The following CFAP58 variants were observed in gnomAD, a reference collection of about 807,000 sequenced individuals.
CFAP58 encodes cilia and flagella associated protein 58, also known as cilia- and flagella-associated protein 58.
Under a neutral mutation model 119.5 loss-of-function variants are expected in CFAP58, and 88 were observed. That is an observed-to-expected ratio of 0.74 (90% CI 0.62 to 0.88). The LOEUF is 0.88. Among genes scored for constraint, CFAP58 ranks in the 40% least tolerant of loss-of-function variants. The pLI, the probability that CFAP58 is intolerant of heterozygous loss-of-function variation, is 0.00. For synonymous variants in CFAP58, 365 were observed against 366.3 expected, an observed-to-expected ratio of 1.00 and a Z score of 0.04; for missense variants, 990 against 1,021.2, an observed-to-expected ratio of 0.97 and a Z score of 0.42.
At chr10:104,427,852 A>C (rs1294014919) in intron 15 of CFAP58, among the ~76,000 whole-genome samples, 8 of 152,244 alleles carry the variant, frequency 5.3e-5, no homozygotes, top group African/African-American at 1.9e-4. Context: ...TGGGGTGTGA[A>C]GAAGCTCCCT....
chr10:104,421,031 G>T (rs116432026), intron 15 of CFAP58, among the ~76,000 whole-genome samples: 1 of 152,132 alleles, frequency 6.6e-6, no homozygotes, highest in African/African-American at 2.4e-5. Flanking sequence ...GGAATTACAC[G>T]CATGAGCCAC....
At chr10:104,405,720 G>C (rs1003814301) in intron 14 of CFAP58, among the ~76,000 whole-genome samples, 1 of 152,302 alleles carries the variant, frequency 6.6e-6, no homozygotes, top group African/African-American at 2.4e-5. Flanking sequence ...TCCTGGAAGC[G>C]GTCCCCATCA....
chr10:104,368,273 C>T lies in CFAP58; in HGVS notation c.793-150C>T, dbSNP rs907842793. 31 of 648,702 alleles carry T rather than the reference C, an allele frequency of 4.8e-5. No individual in the cohort carries two copies. In the African/African-American group the frequency reaches 5.3e-4, roughly 11 times the overall value. 40.2% of individuals were successfully genotyped at this position (648,702 alleles called of 1,614,324 possible). On this transcript the variant is annotated intron_variant, in intron 5 of 17. Coordinates refer to ENST00000369704, the MANE Select transcript of CFAP58 (RefSeq NM_001008723.2). ...TTCATCATATTTGAGTGCGTTAGTG[C>T]TTTCATCGGGAATAAAGAACAATTT...
intron 9 of CFAP58, among the ~76,000 whole-genome samples, chr10:104,387,666 G>A (rs1444909781): frequency 6.6e-6 from 1 of 152,066 alleles, no homozygotes; most frequent in African/African-American, 2.4e-5. Context: ...GGTAAGTTGT[G>A]ATCTACCATA....
intron 15 of CFAP58, among the ~76,000 whole-genome samples, chr10:104,429,548 G>A (rs540052267): frequency 9.2e-5 from 14 of 152,282 alleles, no homozygotes; most frequent in African/African-American, 3.1e-4. Context: ...TTAAGGATCC[G>A]TTAGTAAGCG....
At chr10:104,409,898 G>C (rs2012434003) in intron 15 of CFAP58, among the ~76,000 whole-genome samples, 1 of 151,488 alleles carries the variant, frequency 6.6e-6, no homozygotes, top group Non-Finnish European at 1.5e-5. Context: ...GATAATTTTA[G>C]GTTTATTTCT....
intron 9 of CFAP58, among the ~76,000 whole-genome samples, chr10:104,384,982 G>C (rs2011892355): frequency 6.6e-6 from 1 of 152,158 alleles, no homozygotes; most frequent in Non-Finnish European, 1.5e-5. Context: ...AGGAATGATG[G>C]AGGAATTGCA....
intron 9 of CFAP58, among the ~76,000 whole-genome samples, chr10:104,388,976 A>G (rs1356792758): frequency 1.3e-5 from 2 of 152,118 alleles, no homozygotes; most frequent in African/African-American, 4.8e-5. Flanking sequence ...TTATCTCATG[A>G]GTTGGTTTGA....
intron 15 of CFAP58, among the ~76,000 whole-genome samples, chr10:104,419,639 G>C (rs772351040): frequency 6.6e-6 from 1 of 150,942 alleles, no homozygotes; most frequent in Non-Finnish European, 1.5e-5. Context: ...TCTCCTTTAT[G>C]AGATGATGGT....
intron 17 of CFAP58, among the ~76,000 whole-genome samples, chr10:104,451,429 T>C (rs1393261886): frequency 1.3e-5 from 2 of 152,226 alleles, no homozygotes; most frequent in African/African-American, 4.8e-5. Context: ...CAGCTATCTG[T>C]CTGGTTCGGA....
chr10:104,369,502 G>A (rs906314183), intron 6 of CFAP58, among the ~76,000 whole-genome samples: 1 of 152,144 alleles, frequency 6.6e-6, no homozygotes, highest in Non-Finnish European at 1.5e-5. Flanking sequence ...AGGGTCTGAC[G>A]CTGAAAAACT....
chr10:104,343,484 G>A, the CFAP58 span, among the ~76,000 whole-genome samples: 3 of 152,142 alleles, frequency 2.0e-5, no homozygotes, highest in Non-Finnish European at 2.9e-5. Flanking sequence ...ATCAACTCAC[G>A]TGGTAGGAAT....
Position 104,364,409 on chromosome 10 carries a change from CTG to C in CFAP58, c.441-322_441-321del, listed in dbSNP as rs147404884. On this transcript the variant is annotated intron_variant, in intron 3 of 17. Coordinates refer to ENST00000369704, the MANE Select transcript of CFAP58 (RefSeq NM_001008723.2). ...AATCAGTGATATGTTTTTCTGGGCTCTGTAAAAATGTCTGTAAAACACACACA... is the reference window on the plus strand; with the variant it reads ...AATCAGTGATATGTTTTTCTGGGCTCTAAAAATGTCTGTAAAACACACACA... Among the ~76,000 whole-genome samples, 738 of 147,284 alleles carry C rather than the reference CTG, an allele frequency of 5.0e-3. 5 individuals are homozygous for C. Among genetic ancestry groups the C allele is most frequent in the African/African-American group, 0.017 (676 of 39,416 alleles).
chr10:104,376,704 A>G (rs1330760848), intron 7 of CFAP58, 107 bp from the exon 8 acceptor site: 4 of 772,016 alleles, frequency 5.2e-6, no homozygotes, highest in East Asian at 5.5e-5. Flanking sequence ...TAGTAGTTTT[A>G]TAGCTAGAGA....
rs1467998209 is a variant in CFAP58, at chr10:104,450,055, T to G, written c.2377-16T>G. The G allele has an allele frequency of 1.9e-6, 3 of 1,586,148 alleles. No homozygotes were observed. The highest frequency in any genetic ancestry group is 2.6e-6 in the Non-Finnish European group (3 of 1,170,928). On this transcript the variant is annotated splice_polypyrimidine_tract_variant and intron_variant, in intron 16 of 17. Transcript: ENST00000369704. ...TATTGTATCTTTTGTTAATGCTGCT[T>G]TATTTGCCATGTTAGGTTTTGTCTT... is the stretch of plus-strand genomic sequence containing the variant.
At chr10:104,417,714 C>T (rs1485138595) in intron 15 of CFAP58, among the ~76,000 whole-genome samples, 1 of 152,166 alleles carries the variant, frequency 6.6e-6, no homozygotes, top group East Asian at 1.9e-4. Flanking sequence ...ACATTCAATA[C>T]TCAATGTACT....
the CFAP58 span, among the ~76,000 whole-genome samples, chr10:104,343,472 A>C: frequency 6.6e-6 from 1 of 152,216 alleles, no homozygotes; most frequent in South Asian, 2.1e-4. Context: ...TTTAATCCTC[A>C]TATCAACTCA....
At chr10:104,367,318 G>A (rs2135257032) in intron 5 of CFAP58, among the ~76,000 whole-genome samples, 1 of 152,252 alleles carries the variant, frequency 6.6e-6, no homozygotes, top group African/African-American at 2.4e-5. Flanking sequence ...TCTTAAAGAA[G>A]CAATTCATAT....
At chr10:104,396,935 A>G (rs1176835150) in intron 11 of CFAP58, among the ~76,000 whole-genome samples, 7 of 152,252 alleles carry the variant, frequency 4.6e-5, no homozygotes, top group African/African-American at 9.6e-5. Context: ...TTTACAGCCC[A>G]TAAATTTATG....
Sources: gnomAD v4.1 joint callset for allele counts (sites outside exome capture counted in the v4.1 genomes callset) on GRCh38, gnomAD v4.1.1 for gene constraint, MANE v1.5 for transcripts, NCBI Gene and HGNC (gene_info 2026-07-23, HGNC 2026-07-21) for gene names.